Variants in LRRC4C observed in about 807,000 individuals in gnomAD.
LRRC4C encodes leucine-rich repeat-containing protein 4C.
In LRRC4C, 5 loss-of-function variants were observed where a neutral mutation model predicts 33.6. That is an observed-to-expected ratio of 0.15 (90% CI 0.08 to 0.31). The LOEUF (loss-of-function observed/expected upper bound fraction) is 0.31, where lower values mean the gene tolerates loss of function less well. Among genes scored for constraint, LRRC4C ranks in the 10% least tolerant of loss-of-function variants. The pLI is 1.00. For missense variants in LRRC4C, 560 were observed against 796.7 expected (o/e 0.70, Z 3.58); for synonymous variants, 329 against 302.0 (o/e 1.09, Z -0.93).
chr11:40,688,687 A>G (rs1945081397), intron 2 of LRRC4C, among the ~76,000 whole-genome samples: 1 of 152,064 alleles, frequency 6.6e-6, no homozygotes, highest in Non-Finnish European at 1.5e-5. Flanking sequence ...GCTGTGGAAA[A>G]CTTTTTACAA....
At chr11:40,309,223 A>G (rs1945184757) in intron 4 of LRRC4C, among the ~76,000 whole-genome samples, 1 of 152,170 alleles carries the variant, frequency 6.6e-6, no homozygotes, top group Non-Finnish European at 1.5e-5. Context: ...TTCTATTTCT[A>G]TAGATTTGCT....
chr11:41,424,921 G>A (rs932865418), intron 1 of LRRC4C, among the ~76,000 whole-genome samples: 7 of 151,934 alleles, frequency 4.6e-5, no homozygotes, highest in African/African-American at 1.7e-4. Flanking sequence ...TGTTGAGAAT[G>A]AATGAAATGA....
At chr11:40,186,213 A>G (rs759481701) in intron 5 of LRRC4C, among the ~76,000 whole-genome samples, 1 of 152,222 alleles carries the variant, frequency 6.6e-6, no homozygotes, top group Non-Finnish European at 1.5e-5. Flanking sequence ...CAAAGGCACA[A>G]AACAGGGAGT....
intron 2 of LRRC4C, among the ~76,000 whole-genome samples, chr11:40,752,860 GA>G (rs1341490894): frequency 3.3e-5 from 5 of 152,014 alleles, no homozygotes; most frequent in African/African-American, 7.2e-5. Context: ...CCAACATACG[GA>G]ATCAACCTAA....
chr11:41,118,871 C>T (rs1358953407), intron 1 of LRRC4C, among the ~76,000 whole-genome samples: 1 of 151,318 alleles, frequency 6.6e-6, no homozygotes, highest in Non-Finnish European at 1.5e-5. Context: ...ATAGAGTGTC[C>T]TATTTATGAA....
intron 5 of LRRC4C, among the ~76,000 whole-genome samples, chr11:40,225,340 G>A (rs1565156405): frequency 6.6e-6 from 1 of 152,096 alleles, no homozygotes. Context: ...CATTTAACAA[G>A]GTGAGCTAGG....
At chr11:40,660,998 G>T (rs1943402499) in intron 2 of LRRC4C, among the ~76,000 whole-genome samples, 1 of 152,086 alleles carries the variant, frequency 6.6e-6, no homozygotes, top group African/African-American at 2.4e-5. Context: ...AATGAATAAA[G>T]GGGTTTCTTT....
At chr11:41,413,045 TTTC>T (rs1013674755) in intron 1 of LRRC4C, among the ~76,000 whole-genome samples, 4 of 152,202 alleles carry the variant, frequency 2.6e-5, no homozygotes, top group African/African-American at 9.7e-5. Context: ...TTTTTTTTCT[TTTC>T]TTCTTTTTTT....
chr11:40,484,982 T>C (rs980997745), intron 3 of LRRC4C, among the ~76,000 whole-genome samples: 1 of 152,070 alleles, frequency 6.6e-6, no homozygotes, highest in African/African-American at 2.4e-5. Flanking sequence ...CACTATTTGT[T>C]GGAAGAGCCT....
intron 1 of LRRC4C, among the ~76,000 whole-genome samples, chr11:41,264,469 C>G (rs568724395): frequency 6.6e-6 from 1 of 152,078 alleles, no homozygotes; most frequent in African/African-American, 2.4e-5. Context: ...ACTGTTGATA[C>G]ATAAAAGGAG....
intron 2 of LRRC4C, among the ~76,000 whole-genome samples, chr11:40,777,573 G>A (rs1480976274): frequency 7.4e-6 from 1 of 134,388 alleles, no homozygotes; most frequent in South Asian, 2.4e-4. Flanking sequence ...CCTCTTTTTT[G>A]TTTTCTGTTT....
intron 2 of LRRC4C, among the ~76,000 whole-genome samples, chr11:40,736,413 T>C (rs1947869463): frequency 6.6e-6 from 1 of 152,190 alleles, no homozygotes; most frequent in Admixed American, 6.5e-5. Flanking sequence ...CAGTCTATAA[T>C]TAATGGGCAT....
intron 2 of LRRC4C, among the ~76,000 whole-genome samples, chr11:40,920,165 T>C (rs1344329289): frequency 6.6e-6 from 1 of 152,150 alleles, no homozygotes; most frequent in Non-Finnish European, 1.5e-5. Flanking sequence ...ACACTTCAAG[T>C]CCCAAAAATA....
chr11:41,121,241 T>A (rs1942413580), intron 1 of LRRC4C, among the ~76,000 whole-genome samples: 1 of 152,148 alleles, frequency 6.6e-6, no homozygotes, highest in Admixed American at 6.6e-5. Flanking sequence ...CATTGTAGGA[T>A]ATATCGGTCG....
At chr11:40,512,663 G>A (rs1471475860) in intron 3 of LRRC4C, among the ~76,000 whole-genome samples, 2 of 152,086 alleles carry the variant, frequency 1.3e-5, no homozygotes, top group Non-Finnish European at 2.9e-5. Context: ...AATATCTCAG[G>A]GTTTCCGAAA....
At chr11:40,909,107 T>C (rs1956553866) in intron 2 of LRRC4C, among the ~76,000 whole-genome samples, 1 of 152,164 alleles carries the variant, frequency 6.6e-6, no homozygotes. Context: ...GATGTTACTG[T>C]AACATCCCCA....
chr11:40,236,630 G>A (rs971562788), intron 5 of LRRC4C, among the ~76,000 whole-genome samples: 1 of 151,912 alleles, frequency 6.6e-6, no homozygotes, highest in Non-Finnish European at 1.5e-5. Context: ...AGGTCCCTGA[G>A]GCACCCCCCT....
At chr11:41,119,282 T>C (rs1942303107) in intron 1 of LRRC4C, among the ~76,000 whole-genome samples, 1 of 152,134 alleles carries the variant, frequency 6.6e-6, no homozygotes, top group Admixed American at 6.6e-5. Flanking sequence ...TGCAATCATC[T>C]CAGTTTTTCA....
intron 3 of LRRC4C, among the ~76,000 whole-genome samples, chr11:40,569,172 A>G (rs556837799): frequency 6.6e-6 from 1 of 152,300 alleles, no homozygotes; most frequent in East Asian, 1.9e-4. Context: ...AGGCCTTACC[A>G]CACTTGTTCA....
Sources: gnomAD v4.1 joint callset for allele counts (sites outside exome capture counted in the v4.1 genomes callset) on GRCh38, gnomAD v4.1.1 for gene constraint, MANE v1.5 for transcripts, NCBI Gene and HGNC (gene_info 2026-07-23, HGNC 2026-07-21) for gene names.